Variants in CECR2 observed in about 807,000 individuals in gnomAD.
The protein encoded by CECR2 is chromatin remodeling regulator CECR2.
In CECR2, 30 loss-of-function variants were observed where a neutral mutation model predicts 154.5. That is an observed-to-expected ratio of 0.19 (90% CI 0.15 to 0.26). The LOEUF is 0.26. Among genes scored for constraint, CECR2 ranks in the 10% least tolerant of loss-of-function variants. CECR2 has a pLI of 1.00. For synonymous variants in CECR2, 725 were observed against 683.7 expected (o/e 1.06, Z -0.94); for missense variants, 1,743 against 1,829.3 (o/e 0.95, Z 0.86).
At position 17,391,733 on chromosome 22, in the gene CECR2, T is replaced by A. The variant is rs1339868755; in HGVS notation, c.126+21824T>A. ...ATCACATATTATTTTGAAATCAAAG[T>A]ATAATGAAATAAAATTGTAAAAATA... On this transcript the variant is annotated intron_variant, in intron 1 of 18. Transcript: ENST00000262608. 2.6e-5 allele frequency among the ~76,000 whole-genome samples: 4 copies of A among 152,366 alleles called. No homozygotes were observed. The East Asian group carries it at 5.8e-4, about 22-fold the overall frequency.
Position 17,409,938 on chromosome 22 carries a change from C to T in CECR2, c.126+40029C>T. ...GAACTGTGTCTAGTAAAGGGCTTCACACATATTCAATCAAGTGTTTGCTGT... is the reference window on the plus strand; with the variant it reads ...GAACTGTGTCTAGTAAAGGGCTTCATACATATTCAATCAAGTGTTTGCTGT... On this transcript the variant is annotated intron_variant, in intron 1 of 18. Coordinates refer to ENST00000262608, the MANE Select transcript of CECR2 (RefSeq NM_001290047.2). Among the ~76,000 whole-genome samples, 2 of 109,910 alleles carry T rather than the reference C, an allele frequency of 1.8e-5. 1 individual carries two copies. The highest frequency in any genetic ancestry group is 5.4e-4 in the South Asian group (2 of 3,680). The allele number at this position is 109,910 out of a possible 152,430, so 72.1% of individuals were successfully genotyped here. A position where few individuals can be genotyped will look rare whatever the true frequency, so the allele number is the denominator to read the frequency against.
chr22:17,474,575 T>G lies in CECR2; in HGVS notation c.127-3013T>G, dbSNP rs77951231. Reference sequence around the variant, plus strand: ...TACAATGTAGAAAACTTGTCTTGCCTCCTTGGAGGATAGTATTCTAGCTAG... The same window carrying G: ...TACAATGTAGAAAACTTGTCTTGCCGCCTTGGAGGATAGTATTCTAGCTAG... On this transcript the variant is annotated intron_variant, in intron 1 of 18. Transcript: ENST00000262608. Among the ~76,000 whole-genome samples the G allele has an allele frequency of 0.011, 1,706 of 152,326 alleles. 68 individuals carry two copies. The East Asian group carries it at 0.16, about 14-fold the overall frequency.
intron 4 of CECR2, 123 bp downstream of exon 4, chr22:17,499,672 A>G: frequency 6.2e-6 from 6 of 971,188 alleles, no homozygotes; most frequent in Non-Finnish European, 8.9e-6. Flanking sequence ...GCATGCCTGC[A>G]AAGAGATGGT....
chr22:17,441,932 AT>A (rs2054590729), intron 1 of CECR2, among the ~76,000 whole-genome samples: 1 of 152,188 alleles, frequency 6.6e-6, no homozygotes, highest in South Asian at 2.1e-4. Context: ...CTGTCTTACA[AT>A]TTTTGTCTCT....
At chr22:17,434,663 G>T (rs186469396) in intron 1 of CECR2, among the ~76,000 whole-genome samples, 1 of 138,460 alleles carries the variant, frequency 7.2e-6, no homozygotes, top group African/African-American at 2.8e-5. Flanking sequence ...GCTGCTCCCC[G>T]TAGCTAAGCT....
At chr22:17,409,964 CTATT>C (rs1202467818) in intron 1 of CECR2, among the ~76,000 whole-genome samples, 3,541 of 104,738 alleles carry the variant, frequency 0.034, 850 homozygotes, top group African/African-American at 0.11. Flanking sequence ...TGTTTGCTGT[CTATT>C]TATTTATTTA....
At chr22:17,459,310 G>A (rs535732198) in intron 1 of CECR2, among the ~76,000 whole-genome samples, 25 of 152,252 alleles carry the variant, frequency 1.6e-4, no homozygotes, top group Middle Eastern at 3.4e-3. Flanking sequence ...GCCCTGCCCG[G>A]CCCTGCATCC....
intron 1 of CECR2, among the ~76,000 whole-genome samples, chr22:17,427,320 CAT>C (rs111874906): frequency 1.0e-3 from 155 of 152,112 alleles, no homozygotes; most frequent in African/African-American, 3.5e-3. Flanking sequence ...CCACAATAAA[CAT>C]ATGTGTGCCT....
intron 2 of CECR2, among the ~76,000 whole-genome samples, chr22:17,496,732 T>C (rs2055635899): frequency 6.6e-6 from 1 of 152,238 alleles, no homozygotes; most frequent in Admixed American, 6.5e-5. Flanking sequence ...AACCCAACTT[T>C]GTACTGTCTG....
chr22:17,495,567 T>TAAAAAA (rs35952986), intron 2 of CECR2, among the ~76,000 whole-genome samples: 5 of 124,810 alleles, frequency 4.0e-5, no homozygotes, highest in African/African-American at 1.2e-4. Context: ...AAAACTCCAT[T>TAAAAAA]AAAAAAAAAA....
chr22:17,394,197 CTTTTTTTTTTTTT>C (rs71200271), intron 1 of CECR2, among the ~76,000 whole-genome samples: 3 of 97,088 alleles, frequency 3.1e-5, no homozygotes, highest in Non-Finnish European at 6.1e-5. Context: ...GCTGCCGCTG[CTTTTTTTTTTTTT>C]TTTTTTTTTT....
intron 9 of CECR2, chr22:17,524,968 C>A: frequency 4.2e-6 from 1 of 238,506 alleles, no homozygotes; most frequent in Admixed American, 4.6e-5. Flanking sequence ...TGCCTGCCCA[C>A]ATTAAGGATT....
chr22:17,373,034 G>A (rs1203097463), intron 1 of CECR2, among the ~76,000 whole-genome samples: 1 of 152,088 alleles, frequency 6.6e-6, no homozygotes, highest in Non-Finnish European at 1.5e-5. Context: ...CCCAAAACGT[G>A]GATATTTTTA....
intron 1 of CECR2, chr22:17,419,498 AGAGGAAGAG>A (rs1375098750): frequency 1.6e-5 from 3 of 184,204 alleles, no homozygotes; most frequent in African/African-American, 2.5e-5. Context: ...CTCATCAGGA[AGAGGAAGAG>A]GAGGAAGAAG....
intron 1 of CECR2, among the ~76,000 whole-genome samples, chr22:17,421,391 G>A (rs965635775): frequency 3.3e-5 from 5 of 152,018 alleles, no homozygotes; most frequent in South Asian, 2.1e-4. Flanking sequence ...CGAGGCGGGC[G>A]GATCACGAGG....
chr22:17,413,885 G>T (rs1016993724), intron 1 of CECR2, among the ~76,000 whole-genome samples: 1 of 149,366 alleles, frequency 6.7e-6, no homozygotes, highest in Non-Finnish European at 1.5e-5. Flanking sequence ...CACCATGGTA[G>T]CCAGGATGGT....
chr22:17,366,923 T>G (rs115101766), upstream of CECR2, among the ~76,000 whole-genome samples: 754 of 151,978 alleles, frequency 5.0e-3, 8 homozygotes, highest in African/African-American at 0.017. Flanking sequence ...GTGGAGGAAC[T>G]AGGGAAAAAA....
intron 1 of CECR2, among the ~76,000 whole-genome samples, chr22:17,456,771 G>A (rs1292627061): frequency 3.3e-5 from 5 of 152,162 alleles, no homozygotes; most frequent in African/African-American, 1.2e-4. Flanking sequence ...TCACGATATG[G>A]AGATGGACTA....
chr22:17,537,448 C>T (rs563257405), intron 10 of CECR2, among the ~76,000 whole-genome samples: 4 of 152,194 alleles, frequency 2.6e-5, no homozygotes, highest in Non-Finnish European at 5.9e-5. Context: ...ACACTAAGCT[C>T]TTCTTTCTTC....
Sources: gnomAD v4.1 joint callset for allele counts (sites outside exome capture counted in the v4.1 genomes callset) on GRCh38, gnomAD v4.1.1 for gene constraint, MANE v1.5 for transcripts, NCBI Gene and HGNC (gene_info 2026-07-23, HGNC 2026-07-21) for gene names.